The following PTPRK variants were observed in gnomAD, a reference collection of about 807,000 sequenced individuals.
The protein encoded by PTPRK is protein tyrosine phosphatase receptor type K.
A neutral mutation model predicts 178.0 loss-of-function variants in PTPRK; 75 were observed. The ratio of observed to expected loss-of-function variants is 0.42; its 90% CI spans 0.35 to 0.51. The LOEUF is 0.51. Ranked by LOEUF, PTPRK falls within the 20% of genes least tolerant of loss-of-function variation. PTPRK has a pLI of 0.02. For synonymous variants in PTPRK, 637 were observed against 620.6 expected, an observed-to-expected ratio of 1.03 and a Z score of -0.39; for missense variants, 1,441 against 1,797.8, an observed-to-expected ratio of 0.80 and a Z score of 3.59.
chr6:128,324,745 C>T (rs1049594679), intron 2 of PTPRK, among the ~76,000 whole-genome samples: 1 of 152,204 alleles, frequency 6.6e-6, no homozygotes, highest in Admixed American at 6.6e-5. Context: ...CACCAAAAAG[C>T]CATCTAAATC....
chr6:128,473,698 C>T (rs1408068760), intron 1 of PTPRK, among the ~76,000 whole-genome samples: 1 of 151,896 alleles, frequency 6.6e-6, no homozygotes, highest in Non-Finnish European at 1.5e-5. Context: ...TCTTAATTTC[C>T]ATGATCTTAA....
chr6:128,272,557 C>A (rs1431279069), intron 3 of PTPRK, among the ~76,000 whole-genome samples: 2 of 152,150 alleles, frequency 1.3e-5, no homozygotes, highest in Non-Finnish European at 1.5e-5. Flanking sequence ...AGGATATGAA[C>A]AGATGCTTCT....
At chr6:128,053,926 C>T (rs566391121) in intron 13 of PTPRK, among the ~76,000 whole-genome samples, 2 of 152,292 alleles carry the variant, frequency 1.3e-5, no homozygotes, top group Admixed American at 6.5e-5. Flanking sequence ...AGAGCTACAC[C>T]AGGCTTTCAG....
intron 1 of PTPRK, among the ~76,000 whole-genome samples, chr6:128,429,942 T>C (rs764361742): frequency 6.6e-6 from 1 of 152,208 alleles, no homozygotes; most frequent in African/African-American, 2.4e-5. Context: ...TGAATTCACT[T>C]ATTAGGTATG....
chr6:128,264,462 T>G (rs1380061113), intron 3 of PTPRK, among the ~76,000 whole-genome samples: 1 of 152,134 alleles, frequency 6.6e-6, no homozygotes, highest in Non-Finnish European at 1.5e-5. Context: ...GATAGGTCTT[T>G]ATAGTTTACA....
At chr6:128,125,921 T>TA (rs1056127213) in intron 7 of PTPRK, among the ~76,000 whole-genome samples, 23 of 152,116 alleles carry the variant, frequency 1.5e-4, no homozygotes, top group Admixed American at 7.2e-4. Flanking sequence ...TTTGGGGTTT[T>TA]AAAAAATAGT....
chr6:128,371,890 A>G (rs6921834), intron 2 of PTPRK, among the ~76,000 whole-genome samples: 123,020 of 149,808 alleles, frequency 0.82, 52,685 homozygotes, highest in East Asian at 0.99. Flanking sequence ...AAAAAAAAAA[A>G]GAGAGAGAGA....
At position 128,391,988 on chromosome 6, in the gene PTPRK, T is replaced by A. The variant is rs78419197; in HGVS notation, c.223+5578A>T. ...CAGAAGAAAGCCAGGTACAAAATCATGTGACCCATGCATGCTCCCCACTGA... is the reference window on the plus strand; with the variant it reads ...CAGAAGAAAGCCAGGTACAAAATCAAGTGACCCATGCATGCTCCCCACTGA... On this transcript the variant is annotated intron_variant, in intron 2 of 29. Transcript: ENST00000368226. Among the ~76,000 whole-genome samples the A allele has an allele frequency of 0.029, 4,424 of 152,144 alleles. 336 individuals carry two copies. In the East Asian group the frequency reaches 0.32, roughly 11 times the overall value.
At chr6:128,089,060 C>G (rs938620156) in intron 8 of PTPRK, among the ~76,000 whole-genome samples, 3 of 152,142 alleles carry the variant, frequency 2.0e-5, no homozygotes, top group African/African-American at 7.2e-5. Flanking sequence ...TCCCTGGGTT[C>G]AAGTGATTCT....
intron 1 of PTPRK, among the ~76,000 whole-genome samples, chr6:128,429,903 A>C (rs1844609296): frequency 6.6e-6 from 1 of 152,234 alleles, no homozygotes. Context: ...TATAAAGTTA[A>C]TTTTAAACTA....
At chr6:128,182,434 C>T (rs1357608744) in intron 7 of PTPRK, among the ~76,000 whole-genome samples, 2 of 151,960 alleles carry the variant, frequency 1.3e-5, no homozygotes, top group South Asian at 2.1e-4. Flanking sequence ...ATTAGCTGGG[C>T]ATGGTAGCGC....
intron 11 of PTPRK, among the ~76,000 whole-genome samples, chr6:128,073,745 G>A (rs991914137): frequency 2.6e-5 from 4 of 151,918 alleles, no homozygotes; most frequent in Non-Finnish European, 4.4e-5. Context: ...AAATTATAAT[G>A]ATTCTACCTA....
In PTPRK at chr6:128,184,324, G is replaced by A. The variant is rs1292144644; in HGVS notation, c.1162+108C>T. ...GTAATTCATTGGAACTCTTAATAGT[G>A]TGACTATATCATATATCAAATAATG... On this transcript the variant is annotated intron_variant, in intron 7 of 29. Transcript: ENST00000368226. The A allele has an allele frequency of 7.2e-6, 8 of 1,106,216 alleles. No homozygotes were observed. The South Asian group carries it at 1.3e-4, about 18-fold the overall frequency. 68.5% of individuals were successfully genotyped at this position (1,106,216 alleles called of 1,614,324 possible).
chr6:128,351,979 T>G (rs1006552466), intron 2 of PTPRK, among the ~76,000 whole-genome samples: 3 of 151,996 alleles, frequency 2.0e-5, no homozygotes, highest in African/African-American at 7.2e-5. Flanking sequence ...TTAGTAGGCC[T>G]GGCGTGGTGG....
intron 1 of PTPRK, among the ~76,000 whole-genome samples, chr6:128,455,354 A>T (rs959896154): frequency 6.6e-6 from 1 of 152,154 alleles, no homozygotes; most frequent in Non-Finnish European, 1.5e-5. Context: ...TCTCATGTCA[A>T]TTCTCTGCTT....
At chr6:128,002,665 G>A (rs1283448108) in intron 15 of PTPRK, among the ~76,000 whole-genome samples, 1 of 151,814 alleles carries the variant, frequency 6.6e-6, no homozygotes, top group Admixed American at 6.6e-5. Context: ...TATCAGGTAA[G>A]GTTCATGTAG....
At chr6:128,282,490 C>T (rs972820500) in intron 3 of PTPRK, among the ~76,000 whole-genome samples, 9 of 152,148 alleles carry the variant, frequency 5.9e-5, no homozygotes, top group South Asian at 2.1e-4. Flanking sequence ...CGAAAACAAG[C>T]TATCCAACAG....
rs193210742 is a variant in PTPRK at position 128,042,885 on chromosome 6, A to G, written c.2194+21873T>C. ...TTAAAATAAAGGTTGTGAGGGGGAG[A>G]TAATGTCATTATCAAGTATTTTGCC... On this transcript the variant is annotated intron_variant, in intron 13 of 29. Transcript: ENST00000368226. Among the ~76,000 whole-genome samples the G allele has an allele frequency of 9.9e-5, 15 of 152,158 alleles. No individual in the cohort carries two copies. In the East Asian group the frequency reaches 2.9e-3, roughly 29 times the overall value.
intron 2 of PTPRK, among the ~76,000 whole-genome samples, chr6:128,353,489 A>C (rs1371258572): frequency 2.0e-5 from 3 of 152,234 alleles, no homozygotes; most frequent in African/African-American, 7.2e-5. Flanking sequence ...CAGTTAAATA[A>C]ATAATGGCAT....
Sources: allele counts gnomAD v4.1 joint callset (sites outside exome capture counted in the v4.1 genomes callset), GRCh38; gene constraint gnomAD v4.1.1; transcripts MANE v1.5; gene names NCBI Gene and HGNC (gene_info 2026-07-23, HGNC 2026-07-21).